The following RIN3 variants were observed in gnomAD, a reference collection of about 807,000 sequenced individuals.
RIN3 encodes RAB5 interacting protein 3.
Under a neutral mutation model 76.3 loss-of-function variants are expected in RIN3, and 54 were observed. The observed-to-expected ratio is 0.71, with a 90% CI of 0.57 to 0.89. The LOEUF is 0.89. RIN3 is among the 40% of genes least tolerant of loss of function. The pLI, the probability that RIN3 is intolerant of heterozygous loss-of-function variation, is 0.00. For missense variants in RIN3, 1,256 were observed against 1,322.1 expected (o/e 0.95, Z 0.78); for synonymous variants, 576 against 564.0 (o/e 1.02, Z -0.30).
At chr14:92,563,394 G>T (rs554826175) in intron 2 of RIN3, among the ~76,000 whole-genome samples, 2 of 152,098 alleles carry the variant, frequency 1.3e-5, no homozygotes, top group East Asian at 3.9e-4. Flanking sequence ...ACAAACTTCA[G>T]TGAAGCCCCT....
rs1566887961 is a variant in RIN3 at position 92,652,436 on chromosome 14, A to G, written c.1387A>G (p.Lys463Glu). ...AKQPPVPPPR[K>E]KRISRQLAST... ...ACAACCCCCAGTCCCGCCCCCCAGG[A>G]AAAAACGGATCTCTCGACAACTGGC... Residue 463 changes from lysine (K) to glutamate (E), a missense_variant, in exon 6 of 10, where the codon AAA becomes GAA. Lys to Glu is a moderately conservative substitution (Grantham distance 56). Coordinates refer to ENST00000216487, the MANE Select transcript of RIN3 (RefSeq NM_024832.5). This position sits in a 1 kb window ranked among gnomAD's most constrained non-coding sequence, Gnocchi z 6.4. The G allele has an allele frequency of 1.9e-6, 3 of 1,611,110 alleles. No individual in the cohort carries two copies. Among genetic ancestry groups the G allele is most frequent in the Non-Finnish European group, 2.5e-6 (3 of 1,178,074 alleles).
chr14:92,615,564 G>T, intron 4 of RIN3, 85 bp downstream of exon 4: 6 of 1,155,118 alleles, frequency 5.2e-6, no homozygotes, highest in Non-Finnish European at 7.8e-6. Flanking sequence ...GACTTCACAG[G>T]GAAGCCCCAG....
chr14:92,518,528 G>A (rs1896505914), intron 1 of RIN3, among the ~76,000 whole-genome samples: 2 of 152,188 alleles, frequency 1.3e-5, no homozygotes, highest in Non-Finnish European at 2.9e-5. Context: ...TCCTCTCCAA[G>A]TCTGGAAAGC....
Position 92,643,883 on chromosome 14 carries a change from G to GC in RIN3, c.532+2558dup, listed in dbSNP as rs916867652. On this transcript the variant is annotated intron_variant, in intron 5 of 9. Coordinates refer to ENST00000216487, the MANE Select transcript of RIN3 (RefSeq NM_024832.5). The surrounding 1 kb of genome is among the most constrained non-coding windows in gnomAD (Gnocchi z 4.8). ...GCGGAGATTGCAGTGAGCTGAGATT[G>GC]CCCCACTGCACTCCAGCGTGGGCAA... Among the ~76,000 whole-genome samples, 21 of 152,076 alleles carry GC rather than the reference G, an allele frequency of 1.4e-4. No homozygotes were observed. The highest frequency in any genetic ancestry group is 4.8e-4 in the African/African-American group (20 of 41,458).
chr14:92,557,058 A>G (rs1190626320), intron 2 of RIN3, among the ~76,000 whole-genome samples: 1 of 152,138 alleles, frequency 6.6e-6, no homozygotes, highest in Admixed American at 6.5e-5. Flanking sequence ...GTAACCACCA[A>G]TCTGCCTCCG....
intron 8 of RIN3, among the ~76,000 whole-genome samples, chr14:92,677,879 T>G (rs559117058): frequency 6.8e-6 from 1 of 146,104 alleles, no homozygotes. Flanking sequence ...CACCCACCTA[T>G]CCATCTATCC....
At chr14:92,611,516 G>A (rs1885735998) in intron 3 of RIN3, among the ~76,000 whole-genome samples, 1 of 152,144 alleles carries the variant, frequency 6.6e-6, no homozygotes, top group Non-Finnish European at 1.5e-5. Context: ...GCCTCCCAAA[G>A]TGCTTGGATT....
At chr14:92,542,019 G>A (rs553650549) in intron 1 of RIN3, among the ~76,000 whole-genome samples, 5 of 152,336 alleles carry the variant, frequency 3.3e-5, no homozygotes, top group South Asian at 2.1e-4. Context: ...TGGGTCAGGC[G>A]TGGTGGCCCA....
rs577644848 is a variant in RIN3 at position 92,656,148 on chromosome 14, A to T, written c.2027-3013A>T. Among the ~76,000 whole-genome samples the T allele has an allele frequency of 3.3e-5, 5 of 152,224 alleles. No individual in the cohort carries two copies. In the East Asian group the frequency reaches 9.7e-4, roughly 29 times the overall value. On this transcript the variant is annotated intron_variant, in intron 6 of 9. Coordinates refer to ENST00000216487, the MANE Select transcript of RIN3 (RefSeq NM_024832.5). The surrounding 1 kb of genome is among the most constrained non-coding windows in gnomAD (Gnocchi z 5.2). ...AACTGTGGTCAGCCCTGCCTTCCAG[A>T]GTTGGGGGAGTGTAAGAGCTGAGGC...
At position 92,685,124 on chromosome 14, in the gene RIN3, G is replaced by GC; in HGVS notation, c.2608dup (p.Arg870ProfsTer194). ...GGAGCGCCGGCGTACTCTCAACAAG[G>GC]CCCGGGCCTCCCGCTCCTCCGTACA... On this transcript the variant is annotated frameshift_variant, in exon 9 of 10. Coordinates refer to ENST00000216487, the MANE Select transcript of RIN3 (RefSeq NM_024832.5). LOFTEE classifies it high-confidence loss of function. This position sits in a 1 kb window ranked among gnomAD's most constrained non-coding sequence, Gnocchi z 4.7. 1.2e-6 allele frequency: 2 copies of GC among 1,612,894 alleles called. No homozygotes were observed. The highest frequency in any genetic ancestry group is 1.7e-6 in the Non-Finnish European group (2 of 1,179,528).
chr14:92,630,007 A>G (rs569085977), intron 4 of RIN3, among the ~76,000 whole-genome samples: 5 of 152,250 alleles, frequency 3.3e-5, no homozygotes, highest in Admixed American at 1.3e-4. Context: ...GCTCCTAACC[A>G]TAGTGGAAGA....
At chr14:92,660,417 T>C (rs1478043652) in intron 7 of RIN3, among the ~76,000 whole-genome samples, 2 of 151,062 alleles carry the variant, frequency 1.3e-5, no homozygotes, top group South Asian at 4.5e-4. Flanking sequence ...CCTTGCCCAC[T>C]TGCTGAGTGG....
chr14:92,603,085 C>T (rs1233517875), intron 3 of RIN3, among the ~76,000 whole-genome samples: 1 of 152,156 alleles, frequency 6.6e-6, no homozygotes, highest in African/African-American at 2.4e-5. Flanking sequence ...CGCACTCGGC[C>T]CAGGGCCCTG....
chr14:92,522,524 C>G (rs61977344), intron 1 of RIN3, among the ~76,000 whole-genome samples: 7,024 of 152,274 alleles, frequency 0.046, 214 homozygotes, highest in East Asian at 0.083. Context: ...TGTTGTGGAC[C>G]TATGTTGCCT....
At chr14:92,596,278 C>T (rs114452473) in intron 3 of RIN3, among the ~76,000 whole-genome samples, 8 of 152,338 alleles carry the variant, frequency 5.3e-5, no homozygotes, top group African/African-American at 1.9e-4. Context: ...TACTTTTCTT[C>T]AGCCTTCAGC....
At chr14:92,627,885 T>C (rs1222039442) in intron 4 of RIN3, among the ~76,000 whole-genome samples, 1 of 152,182 alleles carries the variant, frequency 6.6e-6, no homozygotes, top group Non-Finnish European at 1.5e-5. Context: ...AGCAAGGCAA[T>C]TTACTTCTAT....
At chr14:92,558,024 T>C (rs374756511) in intron 2 of RIN3, among the ~76,000 whole-genome samples, 5 of 152,218 alleles carry the variant, frequency 3.3e-5, no homozygotes, top group African/African-American at 1.2e-4. Context: ...GACATAGTCA[T>C]GACTGCTCTG....
intron 4 of RIN3, among the ~76,000 whole-genome samples, chr14:92,627,242 C>T (rs866756626): frequency 6.6e-6 from 1 of 152,166 alleles, no homozygotes; most frequent in Non-Finnish European, 1.5e-5. Flanking sequence ...TCTTGCCTTC[C>T]CTTTTCTCTA....
intron 5 of RIN3, 129 bp from the exon 6 acceptor site, chr14:92,651,448 TCAACC>T (rs1165996354): frequency 0.061 from 37 of 602 alleles, no homozygotes; most frequent in Non-Finnish European, 0.11. Context: ...GAAAACAACC[TCAACC>T]TCGGAGTAGT....
Sources: allele counts gnomAD v4.1 joint callset (sites outside exome capture counted in the v4.1 genomes callset), GRCh38; gene constraint gnomAD v4.1.1; non-coding constraint Gnocchi (gnomAD v3.1); transcripts MANE v1.5; gene names NCBI Gene and HGNC (gene_info 2026-07-23, HGNC 2026-07-21).